Variants in FASN observed in about 807,000 individuals in gnomAD.
FASN encodes fatty acid synthase.
Under a neutral mutation model 250.0 loss-of-function variants are expected in FASN, and 50 were observed. That is an observed-to-expected ratio of 0.20 (90% CI 0.16 to 0.25). FASN has a LOEUF of 0.25. FASN is among the 10% of genes least tolerant of loss of function. The pLI, the probability that FASN is intolerant of heterozygous loss-of-function variation, is 1.00. For missense variants in FASN, 3,031 were observed against 3,498.5 expected, an observed-to-expected ratio of 0.87 and a Z score of 3.37; for synonymous variants, 1,909 against 1,584.0, an observed-to-expected ratio of 1.21 and a Z score of -4.87.
rs1160296439 is a variant in FASN, at chr17:82,082,549, C to A, written c.5897G>T (p.Gly1966Val). ...CACCACGGCCAGGTTGAAGACGCCG[C>A]CCACGGGCCCAAGCTGCGCCGCCTC... is the stretch of plus-strand genomic sequence containing the variant. ...IAEAAQLGPV[G>V]GVFNLAVVLR... Residue 1966 changes from glycine (G) to valine (V), a missense_variant, in exon 34 of 43, where the codon GGC becomes GTC. Transcript: ENST00000306749. The A allele has an allele frequency of 6.2e-7, 1 of 1,608,690 alleles. No individual in the cohort carries two copies. Among genetic ancestry groups the A allele is most frequent in the Non-Finnish European group, 8.5e-7 (1 of 1,179,822 alleles).
rs1283519594 is a variant in FASN at position 82,080,744 on chromosome 17, G to A, written c.6774C>T (p.His2258=). 8 of 1,603,498 alleles carry A rather than the reference G, an allele frequency of 5.0e-6. No individual in the cohort carries two copies. The Admixed American group carries it at 1.0e-4, about 21-fold the overall frequency. Reference sequence around the variant, plus strand: ...GGATGCTGAGCCGGGAGGCCAGGCTGTGGAACACGGTGGTGGAGCCCTCGA... The same window carrying A: ...GGATGCTGAGCCGGGAGGCCAGGCTATGGAACACGGTGGTGGAGCCCTCGA... ...HPIEGSTTVF[H]SLASRLSIPT... Residue 2258 remains histidine, a synonymous_variant, in exon 39 of 43, where the codon CAC becomes CAT. Coordinates refer to ENST00000306749, the MANE Select transcript of FASN (RefSeq NM_004104.5).
intron 1 of FASN, chr17:82,097,531 C>G (rs2034325484): frequency 6.6e-6 from 1 of 152,348 alleles, no homozygotes; most frequent in Non-Finnish European, 1.5e-5. Context: ...CGGGCCAGCT[C>G]CAGGCCCGCA....
Position 82,081,771 on chromosome 17 carries a change from A to T in FASN, c.6236T>A (p.Ile2079Asn), listed in dbSNP as rs1343421359. 1 of 1,612,478 alleles carries T rather than the reference A, an allele frequency of 6.2e-7. No individual in the cohort carries two copies. Among genetic ancestry groups the T allele is most frequent in the African/African-American group, 1.3e-5 (1 of 74,860 alleles). ...LVETMSTNDT[I>N]VSGTLPQRMA... ...GCGCTGGGGCAGCGTGCCACTGACGATCGTGTCGTTGGTGCTCATCGTCTC... is the reference window on the plus strand; with the variant it reads ...GCGCTGGGGCAGCGTGCCACTGACGTTCGTGTCGTTGGTGCTCATCGTCTC... Residue 2079 changes from isoleucine to asparagine, a missense_variant, in exon 37 of 43, where the codon ATC (isoleucine) becomes AAC (asparagine). Coordinates refer to ENST00000306749, the MANE Select transcript of FASN (RefSeq NM_004104.5).
rs759945117 is a variant in FASN at position 82,093,370 on chromosome 17, C to T, written c.504G>A (p.Leu168=). The T allele has an allele frequency of 3.7e-6, 6 of 1,603,826 alleles. No homozygotes were observed. Among genetic ancestry groups the T allele is most frequent in the Non-Finnish European group, 3.4e-6 (4 of 1,177,128 alleles). ...DTACSSSLMA[L]QNAYQAIHSG... ...TGTGGATGGCCTGGTAGGCGTTCTG[C>T]AGGGCCATCAGGCTGGAGGAGCAGG... Residue 168 remains leucine (L), a synonymous_variant, in exon 5 of 43, where the codon CTG becomes CTA. Transcript: ENST00000306749.
At chr17:82,096,844 A>AGG (rs1202468074) in intron 1 of FASN, 3 of 332,488 alleles carry the variant, frequency 9.0e-6, no homozygotes, top group African/African-American at 4.3e-5. Context: ...CTAGGGCACC[A>AGG]GGGGGCTCAC....
At chr17:82,086,229 G>C in intron 22 of FASN, 25 bp downstream of exon 22, 1 of 1,543,770 alleles carries the variant, frequency 6.5e-7, no homozygotes, top group Non-Finnish European at 8.7e-7. Flanking sequence ...CGGGGCAGAG[G>C]CCTGGCTGCC....
chr17:82,080,052 C>T (rs1457556661), intron 41 of FASN, 88 bp downstream of exon 41: 5 of 1,406,448 alleles, frequency 3.6e-6, no homozygotes, highest in Non-Finnish European at 5.0e-6. Context: ...CTTTAACGCT[C>T]TTCGCGTCCC....
Position 82,090,968 on chromosome 17 carries a change from G to C in FASN, c.1594C>G (p.Leu532Val). ...CTCAGCAGCAGCTGTGACACCTTCA[G>C]GCCGAATGGCTTCACAGCCTCATCG... ...RSDEAVKPFG[L>V]KVSQLLLSTD... The change falls in exon 10 of 43, where the codon CTG becomes GTG. Residue 532 changes from leucine to valine, a missense_variant. Transcript: ENST00000306749. The C allele has an allele frequency of 6.2e-7, 1 of 1,612,944 alleles. No homozygotes were observed. The highest frequency in any genetic ancestry group is 8.5e-7 in the Non-Finnish European group (1 of 1,179,992).
At chr17:82,094,267 G>A (rs961922713) in intron 3 of FASN, 6 of 249,558 alleles carry the variant, frequency 2.4e-5, no homozygotes, top group Non-Finnish European at 3.2e-5. Flanking sequence ...GAGGGACACC[G>A]GTCACCCCCG....
rs748827970 is a variant in FASN at position 82,079,553 on chromosome 17, A to G, written c.7202T>C (p.Val2401Ala). ...CTGGTGGCTCTTGATGATCAGGTCC[A>G]CGGCGGCTGCCACACGCTCCTCTAG... ...KGLEERVAAA[V>A]DLIIKSHQGL... Residue 2401 changes from valine to alanine, a missense_variant, in exon 42 of 43, where the codon GTG becomes GCG. Coordinates refer to ENST00000306749, the MANE Select transcript of FASN (RefSeq NM_004104.5). 9 of 1,607,560 alleles carry G rather than the reference A, an allele frequency of 5.6e-6. No homozygotes were observed. In the East Asian group the frequency reaches 1.6e-4, roughly 28 times the overall value.
Position 82,084,063 on chromosome 17 carries a change from C to G in FASN, c.5010G>C (p.Thr1670=), listed in dbSNP as rs567409627. Residue 1670 remains threonine, a synonymous_variant, in exon 29 of 43, where the codon ACG becomes ACC. Transcript: ENST00000306749. ...VVRGRVRPGE[T]LLIHSGSGGV... ...CGCCCGAGCCCGAGTGGATGAGCAG[C>G]GTCTCCCCGGGGCGCACCCGCCCAC... The G allele has an allele frequency of 1.3e-6, 2 of 1,548,884 alleles. No homozygotes were observed. The highest frequency in any genetic ancestry group is 1.7e-6 in the Non-Finnish European group (2 of 1,148,196).
rs767295881 is a variant in FASN at position 82,087,104 on chromosome 17, C to T, written c.3373G>A (p.Glu1125Lys). ...GCAGCGCGCTCAGACAGGCACCCCTCCTCCGTGTGGGGAGTGAAGCAAAAC... is the reference window on the plus strand; with the variant it reads ...GCAGCGCGCTCAGACAGGCACCCCTTCTCCGTGTGGGGAGTGAAGCAAAAC... ...EKFCFTPHTE[E>K]GCLSERAALQ... is the part of the protein sequence containing the mutation. Residue 1125 changes from glutamate to lysine, a missense_variant, in exon 21 of 43, where the codon GAG becomes AAG. Glu to Lys is a moderately conservative substitution (Grantham distance 56). Coordinates refer to ENST00000306749, the MANE Select transcript of FASN (RefSeq NM_004104.5). 5.6e-6 allele frequency: 9 copies of T among 1,612,044 alleles called. No individual in the cohort carries two copies. The South Asian group carries it at 9.9e-5, about 18-fold the overall frequency.
chr17:82,094,958 C>T (rs1313355818), intron 3 of FASN, among the ~76,000 whole-genome samples: 15 of 107,930 alleles, frequency 1.4e-4, no homozygotes, highest in African/African-American at 5.1e-4. Context: ...ACAGCAGGGC[C>T]GGTGCTGTCC....
intron 41 of FASN, 83 bp from the exon 42 acceptor site, chr17:82,079,691 T>C: frequency 6.6e-7 from 1 of 1,503,976 alleles, no homozygotes; most frequent in Non-Finnish European, 8.8e-7. Flanking sequence ...GGGCTTTTTT[T>C]TTTTGAGACG....
chr17:82,083,356 C>A lies in FASN; in HGVS notation c.5411G>T (p.Ser1804Ile), dbSNP rs149912391. ...VLLDAFFNES[S>I]ADWREVWALV... ...CGCCCACACCTCCCGCCAGTCAGCA[C>A]TGCTCTCGTTGAAGAACGCATCCAG... The change falls in exon 32 of 43, where the codon AGT becomes ATT. Residue 1804 changes from serine (S) to isoleucine (I), a missense_variant. Ser to Ile is a moderately radical substitution (Grantham distance 142). Transcript: ENST00000306749. The A allele has an allele frequency of 6.2e-7, 1 of 1,612,884 alleles. No individual in the cohort carries two copies. Among genetic ancestry groups the A allele is most frequent in the South Asian group, 1.1e-5 (1 of 91,086 alleles).
At chr17:82,089,442 A>G in intron 12 of FASN, 58 bp from the exon 13 acceptor site, 1 of 1,612,150 alleles carries the variant, frequency 6.2e-7, no homozygotes, top group Non-Finnish European at 8.5e-7. Flanking sequence ...TCAGGCTCGG[A>G]GAGGTAGGGC....
In FASN at chr17:82,082,462, G is replaced by A. The variant is rs567072354; in HGVS notation, c.5920-48C>T. ...TCCCTGCAGCTCCAGGGCCTCACCC[G>A]TCCACCCAGGGTCCCCCCCTTGGTC... On this transcript the variant is annotated intron_variant, in intron 34 of 42. Coordinates refer to ENST00000306749, the MANE Select transcript of FASN (RefSeq NM_004104.5). 29 of 1,611,008 alleles carry A rather than the reference G, an allele frequency of 1.8e-5. No homozygotes were observed. The African/African-American group carries it at 2.8e-4, about 16-fold the overall frequency.
chr17:82,082,042 T>C lies in FASN; in HGVS notation c.6130A>G (p.Ile2044Val), dbSNP rs375139880. The change falls in exon 36 of 43, where the codon ATC becomes GTC. Residue 2044 changes from isoleucine to valine, a missense_variant. Ile to Val is a conservative substitution (Grantham distance 29, BLOSUM62 3). Coordinates refer to ENST00000306749, the MANE Select transcript of FASN (RefSeq NM_004104.5). ...YGFANSAMER[I>V]CEKRRHEGLP... ...CCTTCGTGCCGGCGTTTCTCACAGA[T>C]ACGCTCCATGGCGGAATTGGCAAAG... 8.7e-6 allele frequency: 14 copies of C among 1,610,248 alleles called. No individual in the cohort carries two copies. In the Admixed American group the frequency reaches 1.7e-4, roughly 19 times the overall value.
chr17:82,083,858 C>G lies in FASN; in HGVS notation c.5132G>C (p.Arg1711Thr). ...SAEKRAYLQA[R>T]FPQLDSTSFA... Reference sequence around the variant, plus strand: ...GCTGGTGCTGTCGAGCTGGGGGAACCTGGCCTGGAGGTACGCCCGCTTCTC... The same window carrying G: ...GCTGGTGCTGTCGAGCTGGGGGAACGTGGCCTGGAGGTACGCCCGCTTCTC... The change falls in exon 30 of 43, where the codon AGG becomes ACG. Residue 1711 changes from arginine (R) to threonine (T), a missense_variant. Coordinates refer to ENST00000306749, the MANE Select transcript of FASN (RefSeq NM_004104.5). The G allele has an allele frequency of 6.3e-7, 1 of 1,589,164 alleles. No homozygotes were observed. Among genetic ancestry groups the G allele is most frequent in the South Asian group, 1.1e-5 (1 of 87,238 alleles).
Sources: gnomAD v4.1 joint callset for allele counts (sites outside exome capture counted in the v4.1 genomes callset) on GRCh38, gnomAD v4.1.1 for gene constraint, MANE v1.5 for transcripts, NCBI Gene and HGNC (gene_info 2026-07-23, HGNC 2026-07-21) for gene names.